Variants in RGL1 observed in about 807,000 individuals in gnomAD.
RGL1 encodes the protein ral guanine nucleotide dissociation stimulator-like 1.
RGL1 carries 24 observed loss-of-function variants against 95.2 expected under a neutral mutation model. The observed-to-expected ratio is 0.25, with a 90% CI of 0.18 to 0.35. The LOEUF (loss-of-function observed/expected upper bound fraction) is 0.35. Ranked by LOEUF, RGL1 falls within the 10% of genes least tolerant of loss-of-function variation. RGL1 has a pLI of 1.00. For missense variants in RGL1, 715 were observed against 936.3 expected (o/e 0.76, Z 3.08); for synonymous variants, 329 against 344.9 (o/e 0.95, Z 0.51).
At chr1:183,854,357 A>G (rs1665007674) in intron 3 of RGL1, among the ~76,000 whole-genome samples, 1 of 152,186 alleles carries the variant, frequency 6.6e-6, no homozygotes, top group Non-Finnish European at 1.5e-5. Flanking sequence ...AGGGTCAGGG[A>G]TAGCAAATGA....
chr1:183,709,934 T>C (rs918138535), intron 1 of RGL1: 1 of 153,708 alleles, frequency 6.5e-6, no homozygotes, highest in Non-Finnish European at 1.4e-5. Context: ...CTGGTTTTCT[T>C]CCAGCGCTTA....
At chr1:183,909,467 C>T (rs1193690547) in intron 14 of RGL1, among the ~76,000 whole-genome samples, 1 of 152,128 alleles carries the variant, frequency 6.6e-6, no homozygotes, top group African/African-American at 2.4e-5. Context: ...AGTTGACATC[C>T]TTTCAAGATC....
intron 2 of RGL1, among the ~76,000 whole-genome samples, chr1:183,815,901 C>T (rs1477458757): frequency 1.3e-5 from 2 of 152,108 alleles, no homozygotes; most frequent in African/African-American, 4.8e-5. Flanking sequence ...TTGGAGAGAC[C>T]TGGGTGGCTT....
At chr1:183,673,116 G>T (rs1652581402) in intron 1 of RGL1, among the ~76,000 whole-genome samples, 1 of 152,178 alleles carries the variant, frequency 6.6e-6, no homozygotes, top group Non-Finnish European at 1.5e-5. Flanking sequence ...CCAGGTTGAA[G>T]CTCAGACCAG....
intron 2 of RGL1, among the ~76,000 whole-genome samples, chr1:183,742,871 T>C (rs927476208): frequency 6.6e-6 from 1 of 152,172 alleles, no homozygotes; most frequent in Non-Finnish European, 1.5e-5. Flanking sequence ...ACCATTTCCA[T>C]ATAGGCATGA....
At chr1:183,890,449 C>T (rs1667352448) in intron 8 of RGL1, among the ~76,000 whole-genome samples, 1 of 152,138 alleles carries the variant, frequency 6.6e-6, no homozygotes, top group African/African-American at 2.4e-5. Context: ...ACATATGTTT[C>T]TGGTTTGTTT....
intron 2 of RGL1, among the ~76,000 whole-genome samples, chr1:183,809,844 C>G (rs1001100638): frequency 1.3e-5 from 2 of 152,106 alleles, no homozygotes; most frequent in African/African-American, 4.8e-5. Context: ...GTAGTCCCAG[C>G]TACTTGGGAG....
intron 1 of RGL1, among the ~76,000 whole-genome samples, chr1:183,727,367 C>T (rs1305721071): frequency 6.6e-6 from 1 of 152,062 alleles, no homozygotes; most frequent in African/African-American, 2.4e-5. Flanking sequence ...AGAAAGGAAC[C>T]TCCTCAATCT....
At position 183,899,038 on chromosome 1, in the gene RGL1, GATTTAGTGAAATGAATATAGTGT is replaced by G. The variant is rs1667866383; in HGVS notation, c.1231-1109_1231-1087del. ...GAAGAAGAGAGATGATTTTAAAGGA[GATTTAGTGAAATGAATATAGTGT>G]ATCCCTGCAGTTGTAGGTAGAAGTG... On this transcript the variant is annotated intron_variant, in intron 10 of 17. Coordinates refer to ENST00000360851, the MANE Select transcript of RGL1 (RefSeq NM_001297671.3). Among the ~76,000 whole-genome samples, 13 of 152,342 alleles carry G rather than the reference GATTTAGTGAAATGAATATAGTGT, an allele frequency of 8.5e-5. 1 individual carries two copies. In the South Asian group the frequency reaches 2.7e-3, roughly 32 times the overall value.
intron 4 of RGL1, among the ~76,000 whole-genome samples, chr1:183,868,708 G>A (rs1456271411): frequency 2.6e-5 from 4 of 152,320 alleles, no homozygotes; most frequent in Middle Eastern, 6.8e-3. Context: ...ATCTAGACTT[G>A]TGAGCAGATT....
intron 2 of RGL1, among the ~76,000 whole-genome samples, chr1:183,827,601 T>C (rs759741225): frequency 2.0e-4 from 31 of 152,376 alleles, no homozygotes; most frequent in Non-Finnish European, 3.1e-4. Context: ...TATTTTCGAT[T>C]AAGGTATAGC....
intron 2 of RGL1, among the ~76,000 whole-genome samples, chr1:183,844,325 A>G (rs1009131463): frequency 2.0e-5 from 3 of 152,198 alleles, no homozygotes; most frequent in South Asian, 4.1e-4. Context: ...TTTTAAATGA[A>G]AAGTGGTAAA....
At chr1:183,746,129 C>T (rs992193922) in intron 2 of RGL1, among the ~76,000 whole-genome samples, 1 of 151,378 alleles carries the variant, frequency 6.6e-6, no homozygotes. Context: ...ATCACAAATA[C>T]TTGTGAGTCC....
chr1:183,698,489 G>A (rs536809633), intron 1 of RGL1, among the ~76,000 whole-genome samples: 1 of 152,338 alleles, frequency 6.6e-6, no homozygotes, highest in Non-Finnish European at 1.5e-5. Context: ...GTGAACTTGA[G>A]AGAACCTTTA....
chr1:183,681,880 G>A (rs11581751), intron 1 of RGL1, among the ~76,000 whole-genome samples: 3 of 152,036 alleles, frequency 2.0e-5, no homozygotes, highest in South Asian at 2.1e-4. Flanking sequence ...TCAGGGATTC[G>A]ACTTCTTCCT....
chr1:183,870,441 T>G lies in RGL1; in HGVS notation c.425+4368T>G, dbSNP rs61809215. Among the ~76,000 whole-genome samples the G allele has an allele frequency of 1.8e-4, 22 of 121,760 alleles. No individual in the cohort carries two copies. In the East Asian group the frequency reaches 2.1e-3, roughly 12 times the overall value. 79.9% of individuals were successfully genotyped at this position (121,760 alleles called of 152,430 possible). A position where few individuals can be genotyped will look rare whatever the true frequency, so the allele number is the denominator to read the frequency against. On this transcript the variant is annotated intron_variant, in intron 4 of 17. Transcript: ENST00000360851. ...GGTAGGTGTCTTCCGGCCAGGGTAG[T>G]TGTCTTCCGGCCAGGGTAGGTGTCT...
In RGL1 at chr1:183,696,368, G is replaced by A. The variant is rs369511033; in HGVS notation, c.-32-45758G>A. Among the ~76,000 whole-genome samples the A allele has an allele frequency of 2.9e-4, 44 of 152,282 alleles. No homozygotes were observed. The East Asian group carries it at 6.2e-3, about 21-fold the overall frequency. Reference sequence around the variant, plus strand: ...CATCTGAACCAAGGACACAAAAAATGATTCCAGAGAATATTTTCTCAACTT... The same window carrying A: ...CATCTGAACCAAGGACACAAAAAATAATTCCAGAGAATATTTTCTCAACTT... On this transcript the variant is annotated intron_variant, in intron 1 of 18. Transcript: ENST00000304685.
At chr1:183,860,566 C>A (rs1291608743) in intron 3 of RGL1, among the ~76,000 whole-genome samples, 2 of 152,118 alleles carry the variant, frequency 1.3e-5, no homozygotes, top group African/African-American at 4.8e-5. Context: ...CTTAGAGGCT[C>A]TTTCCCTGGA....
chr1:183,909,582 G>A (rs909924959), intron 14 of RGL1, among the ~76,000 whole-genome samples: 3 of 152,156 alleles, frequency 2.0e-5, no homozygotes. Context: ...TGTAATGCTT[G>A]AAGGGTCATA....
Sources: gnomAD v4.1 joint callset for allele counts (sites outside exome capture counted in the v4.1 genomes callset) on GRCh38, gnomAD v4.1.1 for gene constraint, MANE v1.5 for transcripts, NCBI Gene and HGNC (gene_info 2026-07-23, HGNC 2026-07-21) for gene names.